Variants in ST8SIA2 observed in about 807,000 individuals in gnomAD.
ST8SIA2 encodes the protein ST8 alpha-N-acetyl-neuraminide alpha-2,8-sialyltransferase 2, also known as alpha-2,8-sialyltransferase 8B.
A neutral mutation model predicts 37.6 loss-of-function variants in ST8SIA2; 22 were observed. The observed-to-expected ratio is 0.58, with a 90% confidence interval of 0.42 to 0.83. The LOEUF is 0.83. Ranked by LOEUF, ST8SIA2 falls within the 40% of genes least tolerant of loss-of-function variation. ST8SIA2 has a pLI of 0.00. For missense variants in ST8SIA2, 382 were observed against 484.7 expected, an observed-to-expected ratio of 0.79 and a Z score of 1.99; for synonymous variants, 205 against 201.2, an observed-to-expected ratio of 1.02 and a Z score of -0.16.
At chr15:92,434,916 GT>G (rs36061276) in intron 3 of ST8SIA2, among the ~76,000 whole-genome samples, 76,986 of 151,664 alleles carry the variant, frequency 0.51, 19,735 homozygotes, top group East Asian at 0.69. Context: ...GCAGAGGTCT[GT>G]TTAGCCAGAG....
At chr15:92,409,865 C>A (rs1022408417) in intron 1 of ST8SIA2, among the ~76,000 whole-genome samples, 1 of 152,230 alleles carries the variant, frequency 6.6e-6, no homozygotes, top group Non-Finnish European at 1.5e-5. Flanking sequence ...GCATCCGATC[C>A]ATTTTACAGG....
Position 92,423,526 on chromosome 15 carries a change from G to A in ST8SIA2, c.99-6523G>A, listed in dbSNP as rs1319371461. 6.6e-5 allele frequency among the ~76,000 whole-genome samples: 10 copies of A among 152,378 alleles called. No individual in the cohort carries two copies. The South Asian group carries it at 1.7e-3, about 25-fold the overall frequency. On this transcript the variant is annotated intron_variant, in intron 1 of 5. Transcript: ENST00000268164. ...AACAAATTTATTTCTCATAGTTCCG[G>A]AGGCTGAGAAGTCCAAGAGCAAGGC...
chr15:92,461,810 G>A (rs961968637), intron 5 of ST8SIA2, among the ~76,000 whole-genome samples: 1 of 151,908 alleles, frequency 6.6e-6, no homozygotes, highest in Admixed American at 6.6e-5. Flanking sequence ...GACAGATCAC[G>A]GTGATGGGCT....
At chr15:92,426,129 T>C (rs1293621461) in intron 1 of ST8SIA2, among the ~76,000 whole-genome samples, 1 of 151,536 alleles carries the variant, frequency 6.6e-6, no homozygotes, top group Non-Finnish European at 1.5e-5. Flanking sequence ...TGAGGAGGAG[T>C]TCGAATTGTG....
intron 5 of ST8SIA2, among the ~76,000 whole-genome samples, chr15:92,462,694 T>C (rs560029082): frequency 6.6e-6 from 1 of 152,290 alleles, no homozygotes; most frequent in South Asian, 2.1e-4. Flanking sequence ...GGGCAAACCA[T>C]GGAGTTTGCT....
At chr15:92,396,631 T>C (rs538497453) in intron 1 of ST8SIA2, among the ~76,000 whole-genome samples, 73 of 152,102 alleles carry the variant, frequency 4.8e-4, no homozygotes, top group Middle Eastern at 3.4e-3. Flanking sequence ...GTAGCTGGGA[T>C]TACAGGCACC....
intron 1 of ST8SIA2, among the ~76,000 whole-genome samples, chr15:92,403,652 G>A (rs527969975): frequency 6.6e-6 from 1 of 152,276 alleles, no homozygotes; most frequent in South Asian, 2.1e-4. Flanking sequence ...TGCCAGAGTA[G>A]CTTAATAATG....
At chr15:92,404,155 C>G (rs1567210146) in intron 1 of ST8SIA2, among the ~76,000 whole-genome samples, 1 of 152,192 alleles carries the variant, frequency 6.6e-6, no homozygotes, top group African/African-American at 2.4e-5. Flanking sequence ...TGGGGCCTTA[C>G]GTTTATCTGT....
At chr15:92,399,278 T>C (rs1345296971) in intron 1 of ST8SIA2, among the ~76,000 whole-genome samples, 1 of 152,158 alleles carries the variant, frequency 6.6e-6, no homozygotes, top group East Asian at 1.9e-4. Flanking sequence ...TAACAACTGC[T>C]CCCTCTCCAG....
rs184091860 is a variant in ST8SIA2 at position 92,396,732 on chromosome 15, G to A, written c.98+2570G>A. On this transcript the variant is annotated intron_variant, in intron 1 of 5. Transcript: ENST00000268164. ...TGGTCTCAATCACCTCAGGGGATCT[G>A]CCCACCTCAGCCTCCCAAAGTGCTG... 1.2e-3 allele frequency among the ~76,000 whole-genome samples: 184 copies of A among 152,134 alleles called. 1 individual carries two copies. Among genetic ancestry groups the A allele is most frequent in the Non-Finnish European group, 2.1e-3 (145 of 67,994 alleles).
At chr15:92,454,331 G>A (rs1411372313) in intron 5 of ST8SIA2, among the ~76,000 whole-genome samples, 2 of 151,950 alleles carry the variant, frequency 1.3e-5, no homozygotes, top group South Asian at 2.1e-4. Flanking sequence ...TCTTTGCAAG[G>A]ACATCAGTCA....
chr15:92,408,926 G>C (rs897666085), intron 1 of ST8SIA2, among the ~76,000 whole-genome samples: 1 of 151,960 alleles, frequency 6.6e-6, no homozygotes, highest in African/African-American at 2.4e-5. Flanking sequence ...GGCTGGTCTT[G>C]AGTTCCTGAC....
chr15:92,451,913 C>T (rs539222560), intron 5 of ST8SIA2, among the ~76,000 whole-genome samples: 2 of 152,092 alleles, frequency 1.3e-5, no homozygotes, highest in African/African-American at 4.8e-5. Context: ...AGTGATGGCA[C>T]CCTAGAGAAT....
At chr15:92,458,322 CAAGA>C (rs2049933653) in intron 5 of ST8SIA2, among the ~76,000 whole-genome samples, 1 of 152,170 alleles carries the variant, frequency 6.6e-6, no homozygotes, top group African/African-American at 2.4e-5. Context: ...GAACACCAAC[CAAGA>C]AAGTACACAT....
At chr15:92,450,323 A>T (rs1223870120) in intron 5 of ST8SIA2, among the ~76,000 whole-genome samples, 1 of 152,234 alleles carries the variant, frequency 6.6e-6, no homozygotes, top group African/African-American at 2.4e-5. Context: ...AAAATATACA[A>T]ATGGCCAATA....
rs141600735 is a variant in ST8SIA2 at position 92,409,445 on chromosome 15, C to G, written c.98+15283C>G. 3.1e-3 allele frequency among the ~76,000 whole-genome samples: 469 copies of G among 152,246 alleles called. 1 individual carries two copies. The highest frequency in any genetic ancestry group is 5.1e-3 in the Non-Finnish European group (348 of 68,012). On this transcript the variant is annotated intron_variant, in intron 1 of 5. Transcript: ENST00000268164. ...CATTGTGTAGTGTTGTTTTTATTTTCTGTCTTGGAAATAGGCAGAGATTAG... is the reference window on the plus strand; with the variant it reads ...CATTGTGTAGTGTTGTTTTTATTTTGTGTCTTGGAAATAGGCAGAGATTAG...
At chr15:92,456,523 G>C in intron 5 of ST8SIA2, among the ~76,000 whole-genome samples, 1 of 152,224 alleles carries the variant, frequency 6.6e-6, no homozygotes, top group East Asian at 1.9e-4. Context: ...AGTAATTCCA[G>C]TGTAGCGTGA....
intron 5 of ST8SIA2, among the ~76,000 whole-genome samples, chr15:92,454,787 G>A (rs2049908428): frequency 6.6e-6 from 1 of 151,850 alleles, no homozygotes; most frequent in African/African-American, 2.4e-5. Flanking sequence ...GCTGGCTGTT[G>A]GCTAGGAAGG....
At chr15:92,457,404 A>C (rs2049927383) in intron 5 of ST8SIA2, among the ~76,000 whole-genome samples, 1 of 152,236 alleles carries the variant, frequency 6.6e-6, no homozygotes. Context: ...GTCCGTGCTC[A>C]TAAAATACGG....
Sources: allele counts gnomAD v4.1 joint callset (sites outside exome capture counted in the v4.1 genomes callset), GRCh38; gene constraint gnomAD v4.1.1; transcripts MANE v1.5; gene names NCBI Gene and HGNC (gene_info 2026-07-23, HGNC 2026-07-21).